GPM6A: variants seen among roughly 807,000 people sequenced by gnomAD.
GPM6A encodes the protein glycoprotein M6A.
A neutral mutation model predicts 32.1 loss-of-function variants in GPM6A; 7 were observed. The ratio of observed to expected loss-of-function variants is 0.22; its 90% confidence interval spans 0.12 to 0.41. GPM6A has a LOEUF of 0.41. Ranked by LOEUF, GPM6A falls within the 10% of genes least tolerant of loss-of-function variation. The pLI, the probability that GPM6A is intolerant of heterozygous loss-of-function variation, is 1.00. For synonymous variants in GPM6A, 130 were observed against 123.4 expected, an observed-to-expected ratio of 1.05 and a Z score of -0.35; for missense variants, 235 against 347.2, an observed-to-expected ratio of 0.68 and a Z score of 2.57.
At chr4:175,899,624 G>C (rs1222112351) in intron 1 of GPM6A, among the ~76,000 whole-genome samples, 1 of 152,134 alleles carries the variant, frequency 6.6e-6, no homozygotes, top group Non-Finnish European at 1.5e-5. Flanking sequence ...ACTTGGGGAA[G>C]AGAGTCTCTT....
chr4:175,809,226 C>T (rs1734817040), intron 1 of GPM6A, among the ~76,000 whole-genome samples: 1 of 152,212 alleles, frequency 6.6e-6, no homozygotes, highest in Non-Finnish European at 1.5e-5. Flanking sequence ...AAATCTTCAT[C>T]AAAATATCTT....
intron 1 of GPM6A, among the ~76,000 whole-genome samples, chr4:175,820,500 C>CT (rs66569311): frequency 0.62 from 68,853 of 111,744 alleles, 22,711 homozygotes; most frequent in Non-Finnish European, 0.67. Context: ...TCTTTTCTTT[C>CT]TTTTTTTTTT....
chr4:175,795,662 G>A (rs1734191639), intron 1 of GPM6A, among the ~76,000 whole-genome samples: 1 of 151,978 alleles, frequency 6.6e-6, no homozygotes, highest in Non-Finnish European at 1.5e-5. Context: ...GAGGTGGGAG[G>A]ATCACTTGAG....
At chr4:175,776,665 C>T (rs964380416) in intron 1 of GPM6A, among the ~76,000 whole-genome samples, 3 of 152,118 alleles carry the variant, frequency 2.0e-5, no homozygotes, top group African/African-American at 4.8e-5. Flanking sequence ...TAGTTTCATA[C>T]GTTTTTCCTA....
chr4:175,924,746 A>C lies in GPM6A; in HGVS notation c.-23+77563T>G, dbSNP rs532970544. 4.6e-5 allele frequency among the ~76,000 whole-genome samples: 7 copies of C among 151,832 alleles called. No individual in the cohort carries two copies. The South Asian group carries it at 1.5e-3, about 32-fold the overall frequency. The stretch of plus-strand genomic sequence containing the variant: ...TTCCAGCTACTTGGGAGGCTGAGGC[A>C]GGAGAATCACTTGAACCTAGGAGGC... On this transcript the variant is annotated intron_variant, in intron 1 of 7. Transcript: ENST00000280187.
At position 175,640,168 on chromosome 4, in the gene GPM6A, A is replaced by G. The variant is rs1347370679; in HGVS notation, c.645T>C (p.Ile215=). The G allele has an allele frequency of 1.2e-6, 2 of 1,613,762 alleles. No individual in the cohort carries two copies. The highest frequency in any genetic ancestry group is 1.1e-5 in the South Asian group (1 of 91,088). Residue 215 remains isoleucine (I), a synonymous_variant, in exon 6 of 7, where the codon ATT becomes ATC. Transcript: ENST00000393658. ...CTGCCCCAGCTCCAGCAAGTGCCAC[A>G]ATAAACAAGTGGAAGGTCATGTTCA... is the stretch of plus-strand genomic sequence containing the variant. ...TELNMTFHLF[I]VALAGAGAAV... is the part of the protein sequence containing the mutation.
chr4:175,642,012 A>G (rs530373518), intron 4 of GPM6A: 12 of 152,160 alleles, frequency 7.9e-5, no homozygotes, highest in Admixed American at 7.2e-4. Flanking sequence ...TTTAATATGT[A>G]TATGTATTTA....
chr4:175,687,563 T>C lies in GPM6A; in HGVS notation c.231-13727A>G, dbSNP rs556320737. Among the ~76,000 whole-genome samples the C allele has an allele frequency of 8.5e-5, 13 of 152,206 alleles. 1 individual carries two copies. In the South Asian group the frequency reaches 2.1e-3, roughly 24 times the overall value. On this transcript the variant is annotated intron_variant, in intron 2 of 6. Coordinates refer to ENST00000393658, the MANE Select transcript of GPM6A (RefSeq NM_201591.3). ...GTATGTATATACTGTATTTTCTTTA[T>C]GCATTCATCTATCCATGTACATTTT... is the stretch of plus-strand genomic sequence containing the variant.
chr4:175,699,151 G>A (rs1391039366), intron 2 of GPM6A, among the ~76,000 whole-genome samples: 1 of 152,020 alleles, frequency 6.6e-6, no homozygotes, highest in African/African-American at 2.4e-5. Flanking sequence ...TTTTGTCCAG[G>A]GTAGGCTGAG....
Position 175,812,207 on chromosome 4 carries a change from C to T in GPM6A, c.21G>A (p.Glu7=), listed in dbSNP as rs1315474440. The T allele has an allele frequency of 6.3e-7, 1 of 1,587,340 alleles. No homozygotes were observed. The highest frequency in any genetic ancestry group is 8.6e-7 in the Non-Finnish European group (1 of 1,164,046). Residue 7 remains glutamate (E), a synonymous_variant, in exon 1 of 7, where the codon GAG becomes GAA. Transcript: ENST00000393658. MEENME[E]GQTQKGCFEC... ...GCACAGTACCTTTTTGTGTCTGTCC[C>T]TCTTCCATATTCTCTTCCATGGCTA...
chr4:175,661,272 A>G (rs114034212), intron 3 of GPM6A, among the ~76,000 whole-genome samples: 11,438 of 151,982 alleles, frequency 0.075, 878 homozygotes, highest in East Asian at 0.33. Flanking sequence ...CGTCTCTACT[A>G]AAAACATAAA....
chr4:175,983,116 A>G (rs1740866954), intron 1 of GPM6A, among the ~76,000 whole-genome samples: 1 of 152,146 alleles, frequency 6.6e-6, no homozygotes, highest in South Asian at 2.1e-4. Flanking sequence ...AGGTGCCTCA[A>G]AGATGGGGAG....
intron 1 of GPM6A, among the ~76,000 whole-genome samples, chr4:175,979,360 T>C (rs1740755728): frequency 2.0e-5 from 3 of 152,350 alleles, no homozygotes; most frequent in Admixed American, 6.5e-5. Context: ...CTGAGTCAAT[T>C]ATTCCGTTCT....
chr4:175,988,407 A>G (rs933134201), intron 1 of GPM6A, among the ~76,000 whole-genome samples: 1 of 152,174 alleles, frequency 6.6e-6, no homozygotes, highest in African/African-American at 2.4e-5. Context: ...TGCTTAATCA[A>G]CTCTATGAAA....
At position 175,941,950 on chromosome 4, in the gene GPM6A, G is replaced by A. The variant is rs1561004086; in HGVS notation, c.-23+60359C>T. On this transcript the variant is annotated intron_variant, in intron 1 of 7. Coordinates refer to the GPM6A transcript ENST00000280187. Reference sequence around the variant, plus strand: ...TCTGGTTCTAGATCCTAGAGGAATTGCCACACTGTCTTCCACAACGGTTGA... The same window carrying A: ...TCTGGTTCTAGATCCTAGAGGAATTACCACACTGTCTTCCACAACGGTTGA... Among the ~76,000 whole-genome samples the A allele has an allele frequency of 1.3e-5, 2 of 152,194 alleles. 1 individual carries two copies. Among genetic ancestry groups the A allele is most frequent in the South Asian group, 4.1e-4 (2 of 4,826 alleles).
At chr4:176,001,580 G>A (rs1741482102) in intron 1 of GPM6A, among the ~76,000 whole-genome samples, 1 of 152,082 alleles carries the variant, frequency 6.6e-6, no homozygotes, top group Non-Finnish European at 1.5e-5. Flanking sequence ...CCGAATAAGC[G>A]GACCCTGCCT....
At chr4:175,651,027 G>A (rs1304233322) in intron 4 of GPM6A, among the ~76,000 whole-genome samples, 2 of 152,162 alleles carry the variant, frequency 1.3e-5, no homozygotes, top group Non-Finnish European at 2.9e-5. Flanking sequence ...TCAGTACTAA[G>A]TTTTAATATG....
At chr4:175,899,622 A>G (rs1158728810) in intron 1 of GPM6A, among the ~76,000 whole-genome samples, 3 of 152,180 alleles carry the variant, frequency 2.0e-5, no homozygotes, top group Non-Finnish European at 4.4e-5. Context: ...ACACTTGGGG[A>G]AGAGAGTCTC....
intron 1 of GPM6A, among the ~76,000 whole-genome samples, chr4:175,751,763 GTTGTTTGTTTTTTGGT>G (rs1732347626): frequency 6.6e-6 from 1 of 151,256 alleles, no homozygotes; most frequent in Non-Finnish European, 1.5e-5. Context: ...TTTTGTTGTT[GTTGTTTGTTTTTTGGT>G]TTGTTTGTTT....
Sources: gnomAD v4.1 joint callset for allele counts (sites outside exome capture counted in the v4.1 genomes callset) on GRCh38, gnomAD v4.1.1 for gene constraint, MANE v1.5 for transcripts, NCBI Gene and HGNC (gene_info 2026-07-23, HGNC 2026-07-21) for gene names.